Variants in MAP3K5 observed in about 807,000 individuals in gnomAD.
MAP3K5 encodes the protein ASK-1.
MAP3K5 carries 56 observed loss-of-function variants against 158.7 expected under a neutral mutation model. The observed-to-expected ratio is 0.35, with a 90% CI of 0.28 to 0.44. The LOEUF (loss-of-function observed/expected upper bound fraction) is 0.44, where lower values mean the gene tolerates loss of function less well. Ranked by LOEUF, MAP3K5 falls within the 20% of genes least tolerant of loss-of-function variation. MAP3K5 has a pLI of 1.00. For synonymous variants in MAP3K5, 579 were observed against 601.7 expected (o/e 0.96, Z 0.55); for missense variants, 1,294 against 1,674.8 (o/e 0.77, Z 3.97).
chr6:136,674,389 G>A (rs1779613331), intron 7 of MAP3K5, among the ~76,000 whole-genome samples: 2 of 151,972 alleles, frequency 1.3e-5, no homozygotes, highest in South Asian at 4.2e-4. Flanking sequence ...AATACAAAAT[G>A]TAAGGTAGAC....
intron 1 of MAP3K5, among the ~76,000 whole-genome samples, chr6:136,768,197 C>A (rs1784039688): frequency 6.6e-6 from 1 of 152,120 alleles, no homozygotes; most frequent in Non-Finnish European, 1.5e-5. Context: ...AAAGAAAAAA[C>A]AGATAAATAC....
At chr6:136,789,424 T>A (rs1024473497) in intron 1 of MAP3K5, among the ~76,000 whole-genome samples, 1 of 152,130 alleles carries the variant, frequency 6.6e-6, no homozygotes, top group African/African-American at 2.4e-5. Flanking sequence ...ATCCTGGGAG[T>A]TCATGCCATC....
At chr6:136,701,483 C>T (rs1780852472) in intron 3 of MAP3K5, among the ~76,000 whole-genome samples, 1 of 152,120 alleles carries the variant, frequency 6.6e-6, no homozygotes, top group South Asian at 2.1e-4. Context: ...GTCTCAAGTT[C>T]TCCTCCATGG....
intron 1 of MAP3K5, among the ~76,000 whole-genome samples, chr6:136,767,768 A>C (rs766818380): frequency 8.5e-5 from 13 of 152,194 alleles, no homozygotes; most frequent in Non-Finnish European, 1.8e-4. Flanking sequence ...GAGGCCTCAC[A>C]CTTCCTGATT....
At chr6:136,597,080 T>TA (rs1775666261) in intron 21 of MAP3K5, among the ~76,000 whole-genome samples, 1 of 152,166 alleles carries the variant, frequency 6.6e-6, no homozygotes, top group South Asian at 2.1e-4. Context: ...ACGAAGAGTC[T>TA]AAAAGAGGCT....
chr6:136,719,371 C>T (rs1034482660), intron 2 of MAP3K5, among the ~76,000 whole-genome samples: 5 of 151,978 alleles, frequency 3.3e-5, no homozygotes, highest in African/African-American at 1.2e-4. Flanking sequence ...TAAGGAGGGG[C>T]TTAAGGATTG....
intron 23 of MAP3K5, among the ~76,000 whole-genome samples, chr6:136,586,895 C>G (rs1775164089): frequency 6.6e-6 from 1 of 152,214 alleles, no homozygotes; most frequent in South Asian, 2.1e-4. Flanking sequence ...TTCCTGCCCT[C>G]AAATATTAGA....
At chr6:136,607,437 T>C (rs538897911) in intron 18 of MAP3K5, among the ~76,000 whole-genome samples, 1 of 152,352 alleles carries the variant, frequency 6.6e-6, no homozygotes, top group South Asian at 2.1e-4. Context: ...GGTTGAGTCA[T>C]GTGTTCTTAT....
chr6:136,600,353 A>G (rs1406348802), intron 21 of MAP3K5, among the ~76,000 whole-genome samples: 1 of 151,798 alleles, frequency 6.6e-6, no homozygotes, highest in Non-Finnish European at 1.5e-5. Context: ...CACCGCACCC[A>G]GCTATTTTTC....
intron 11 of MAP3K5, 143 bp from the exon 12 acceptor site, chr6:136,642,712 G>T: frequency 1.6e-6 from 1 of 642,276 alleles, no homozygotes; most frequent in Non-Finnish European, 2.8e-6. Context: ...TATCTGGATG[G>T]AAAGCACAAT....
At chr6:136,562,019 C>T (rs1830536077) in intron 27 of MAP3K5, among the ~76,000 whole-genome samples, 1 of 152,136 alleles carries the variant, frequency 6.6e-6, no homozygotes, top group African/African-American at 2.4e-5. Flanking sequence ...TATGAAAGAG[C>T]CACATATCTA....
At chr6:136,595,495 G>C (rs1775585906) in intron 21 of MAP3K5, among the ~76,000 whole-genome samples, 1 of 152,188 alleles carries the variant, frequency 6.6e-6, no homozygotes, top group Non-Finnish European at 1.5e-5. Flanking sequence ...TACAGTTGTG[G>C]ATCATCTACT....
intron 10 of MAP3K5, among the ~76,000 whole-genome samples, chr6:136,655,363 TAGAA>T (rs1583354188): frequency 6.6e-6 from 1 of 152,228 alleles, no homozygotes; most frequent in South Asian, 2.1e-4. Flanking sequence ...GTGTTTCAGT[TAGAA>T]AGGCTTTCGC....
intron 1 of MAP3K5, among the ~76,000 whole-genome samples, chr6:136,786,964 A>C (rs887413834): frequency 1.3e-5 from 2 of 152,062 alleles, no homozygotes; most frequent in African/African-American, 4.8e-5. Flanking sequence ...TCACTCCGTT[A>C]GGTTGAGCTA....
chr6:136,764,139 T>C (rs186040662), intron 1 of MAP3K5, among the ~76,000 whole-genome samples: 2 of 152,298 alleles, frequency 1.3e-5, no homozygotes, highest in Non-Finnish European at 2.9e-5. Flanking sequence ...AGATGACATA[T>C]GCAAGAATGT....
chr6:136,708,522 C>T (rs1176872743), intron 2 of MAP3K5, among the ~76,000 whole-genome samples: 1 of 152,058 alleles, frequency 6.6e-6, no homozygotes, highest in African/African-American at 2.4e-5. Context: ...TCCCAAAGCG[C>T]TAGGATTACA....
intron 11 of MAP3K5, among the ~76,000 whole-genome samples, chr6:136,649,865 AG>A (rs1284313961): frequency 6.6e-6 from 1 of 152,230 alleles, no homozygotes; most frequent in African/African-American, 2.4e-5. Context: ...CTCATTCTAC[AG>A]ATGAGGACAC....
chr6:136,608,279 A>T (rs72979520), intron 18 of MAP3K5, among the ~76,000 whole-genome samples: 8 of 152,294 alleles, frequency 5.3e-5, no homozygotes, highest in Non-Finnish European at 1.0e-4. Flanking sequence ...ACAAAAAAAA[A>T]AAGCAAGCCA....
At chr6:136,599,168 A>AAG (rs1491488396) in intron 21 of MAP3K5, among the ~76,000 whole-genome samples, 6 of 121,714 alleles carry the variant, frequency 4.9e-5, no homozygotes, top group South Asian at 2.8e-4. Flanking sequence ...CAAAAAAAAA[A>AAG]GGGGGGGGGG....
Sources: allele counts gnomAD v4.1 joint callset (sites outside exome capture counted in the v4.1 genomes callset), GRCh38; gene constraint gnomAD v4.1.1; transcripts MANE v1.5; gene names NCBI Gene and HGNC (gene_info 2026-07-23, HGNC 2026-07-21).